TRIO: variants seen among roughly 807,000 people sequenced by gnomAD.
TRIO encodes trio Rho guanine nucleotide exchange factor, also known as triple functional domain protein.
TRIO carries 58 observed loss-of-function variants against 351.9 expected under a neutral mutation model. The observed-to-expected ratio is 0.16, with a 90% CI of 0.13 to 0.21. TRIO has a LOEUF of 0.21. Among genes scored for constraint, TRIO ranks in the 10% least tolerant of loss-of-function variants. The probability of loss-of-function intolerance (pLI) is 1.00; values close to 1 mark genes in which losing one functional copy is unlikely to be tolerated. For missense variants in TRIO, 3,201 were observed against 4,027.8 expected (o/e 0.79, Z 5.56); for synonymous variants, 1,758 against 1,595.7 (o/e 1.10, Z -2.42).
intron 7 of TRIO, 100 bp from the exon 8 acceptor site, chr5:14,304,361 T>A (rs1474229728): frequency 2.4e-6 from 3 of 1,234,612 alleles, no homozygotes; most frequent in African/African-American, 3.1e-5. Context: ...ATTCTTAGGA[T>A]CTCCCTCAAG....
At chr5:14,241,812 T>C (rs995042602) in intron 1 of TRIO, among the ~76,000 whole-genome samples, 1 of 152,222 alleles carries the variant, frequency 6.6e-6, no homozygotes, top group East Asian at 1.9e-4. Flanking sequence ...ACCAGTTAGA[T>C]TAGCAGTACA....
rs750820152 is a variant in TRIO at position 14,304,587 on chromosome 5, T to G, written c.1495T>G (p.Ser499Ala). 1.2e-6 allele frequency: 2 copies of G among 1,611,848 alleles called. No homozygotes were observed. Among genetic ancestry groups the G allele is most frequent in the East Asian group, 4.5e-5 (2 of 44,888 alleles). The change falls in exon 8 of 57, where the codon TCT becomes GCT. Residue 499 changes from serine (S) to alanine (A), a missense_variant. By Grantham distance (99) the Ser-to-Ala change is moderately conservative (BLOSUM62 1). This residue lies in a region of TRIO where 349 missense variants were observed against 449.3 expected (regional missense o/e 0.78). Transcript: ENST00000344204. Reference protein sequence around the residue: ...GIYEHITLAYSEVSQDGKSLL... With the variant: ...GIYEHITLAYAEVSQDGKSLL... Reference sequence around the variant, plus strand: ...ATATGAACATATCACTCTTGCTTATTCTGAGGTAAGTGGCCAGTTTTACTT... The same window carrying G: ...ATATGAACATATCACTCTTGCTTATGCTGAGGTAAGTGGCCAGTTTTACTT...
At chr5:14,490,679 TGAG>T (rs1425974387) in intron 48 of TRIO, 1 of 396,578 alleles carries the variant, frequency 2.5e-6, no homozygotes, top group East Asian at 7.3e-5. Context: ...GGGTTGGTGG[TGAG>T]AATTAAGCAG....
At chr5:14,381,046 G>T in intron 20 of TRIO, 84 bp from the exon 21 acceptor site, 2 of 1,477,554 alleles carry the variant, frequency 1.4e-6, no homozygotes, top group South Asian at 3.0e-5. Context: ...TTTGTGATTT[G>T]ACCTTTAAAT....
At chr5:14,407,928 A>G (rs1307285698) in intron 33 of TRIO, among the ~76,000 whole-genome samples, 3 of 152,212 alleles carry the variant, frequency 2.0e-5, no homozygotes, top group African/African-American at 7.2e-5. Flanking sequence ...CTTTTTAAAA[A>G]AATTGACAGT....
At chr5:14,331,361 A>G (rs753049009) in intron 10 of TRIO, among the ~76,000 whole-genome samples, 3 of 152,168 alleles carry the variant, frequency 2.0e-5, no homozygotes, top group Non-Finnish European at 4.4e-5. Context: ...GACTTTGGAC[A>G]AGTCGCTTAA....
At chr5:14,322,057 C>T (rs920245607) in intron 9 of TRIO, among the ~76,000 whole-genome samples, 1 of 152,066 alleles carries the variant, frequency 6.6e-6, no homozygotes, top group Non-Finnish European at 1.5e-5. Flanking sequence ...TACAACGCCC[C>T]TGCAAGTCAT....
At chr5:14,283,423 A>G (rs1249938917) in intron 3 of TRIO, among the ~76,000 whole-genome samples, 1 of 152,160 alleles carries the variant, frequency 6.6e-6, no homozygotes, top group Non-Finnish European at 1.5e-5. Flanking sequence ...ACATGACTTC[A>G]CTTTCATTGC....
chr5:14,481,103 A>G (rs559438863), intron 43 of TRIO, 131 bp from the exon 44 acceptor site: 7 of 905,732 alleles, frequency 7.7e-6, no homozygotes, highest in Non-Finnish European at 1.2e-5. Context: ...AAGCAAGAGG[A>G]TCACTTGAGG....
intron 48 of TRIO, among the ~76,000 whole-genome samples, chr5:14,491,713 C>G (rs1376314715): frequency 6.6e-6 from 1 of 152,194 alleles, no homozygotes; most frequent in Non-Finnish European, 1.5e-5. Context: ...ATGTTGAGTT[C>G]CTGCTGCATG....
In TRIO at chr5:14,313,361, A is replaced by G. The variant is rs539894827; in HGVS notation, c.1501-3152A>G. On this transcript the variant is annotated intron_variant, in intron 8 of 56. Coordinates refer to ENST00000344204, the MANE Select transcript of TRIO (RefSeq NM_007118.4). ...GTGTGTCCTTCGAAATCCAGTCATG[A>G]TCTCTGGCATGGAGATCTGTTAAAC... Among the ~76,000 whole-genome samples the G allele has an allele frequency of 3.9e-5, 6 of 152,282 alleles. No homozygotes were observed. The South Asian group carries it at 6.2e-4, about 16-fold the overall frequency.
At chr5:14,242,476 A>C (rs1794188687) in intron 1 of TRIO, among the ~76,000 whole-genome samples, 1 of 152,230 alleles carries the variant, frequency 6.6e-6, no homozygotes. Context: ...GGATCCTCAC[A>C]AGAAGAAAAT....
intron 1 of TRIO, among the ~76,000 whole-genome samples, chr5:14,254,130 G>A (rs182160073): frequency 1.3e-5 from 2 of 152,256 alleles, no homozygotes; most frequent in East Asian, 1.9e-4. Context: ...AGTAAAGTAA[G>A]TAATAAATAG....
chr5:14,339,691 G>A (rs968758504), intron 11 of TRIO, among the ~76,000 whole-genome samples: 3 of 152,156 alleles, frequency 2.0e-5, no homozygotes, highest in African/African-American at 4.8e-5. Context: ...ATTCAAGGAC[G>A]CTGCCCGCAG....
At chr5:14,202,160 C>T (rs1449292231) in intron 1 of TRIO, among the ~76,000 whole-genome samples, 2 of 151,600 alleles carry the variant, frequency 1.3e-5, no homozygotes, top group Non-Finnish European at 2.9e-5. Flanking sequence ...CTGTTATGAA[C>T]TTGTGAAAAC....
chr5:14,350,556 T>C (rs1170118298), intron 11 of TRIO, among the ~76,000 whole-genome samples: 1 of 152,170 alleles, frequency 6.6e-6, no homozygotes, highest in Non-Finnish European at 1.5e-5. Flanking sequence ...ACATCCCCTG[T>C]GCCTTATCTG....
At position 14,472,897 on chromosome 5, in the gene TRIO, T is replaced by C. The variant is rs368445723; in HGVS notation, c.5979+239T>C. On this transcript the variant is annotated intron_variant, in intron 39 of 56. Transcript: ENST00000344204. ...ATCTTGACATAATCTTTTTTAACAG[T>C]TGAAATTTACAATTATTATAAATAA... Among the ~76,000 whole-genome samples, 6 of 152,198 alleles carry C rather than the reference T, an allele frequency of 3.9e-5. No individual in the cohort carries two copies. In the East Asian group the frequency reaches 7.7e-4, roughly 19 times the overall value.
In TRIO at chr5:14,481,496, C is replaced by T. The variant is rs748803270; in HGVS notation, c.6388-45C>T. 3 of 1,607,400 alleles carry T rather than the reference C, an allele frequency of 1.9e-6. No homozygotes were observed. The South Asian group carries it at 3.3e-5, about 18-fold the overall frequency. ...CAGAGGGTGAGCACGTCAGATTTTCCCTAGAGGAACTTGAGCTTTCACTCT... is the reference window on the plus strand; with the variant it reads ...CAGAGGGTGAGCACGTCAGATTTTCTCTAGAGGAACTTGAGCTTTCACTCT... On this transcript the variant is annotated intron_variant, in intron 44 of 56. Coordinates refer to ENST00000344204, the MANE Select transcript of TRIO (RefSeq NM_007118.4).
At position 14,406,648 on chromosome 5, in the gene TRIO, T is replaced by A; in HGVS notation, c.4935T>A (p.Ser1645=). ...CGATTTCCATCGCCTCACGGACGTC[T>A]CAGAACACGCTGGACAGCGATAAGG... ...PDTISIASRT[S]QNTLDSDKLS... is the part of the protein sequence containing the mutation. The change falls in exon 33 of 57, where the codon TCT becomes TCA. Residue 1645 remains serine (S), a synonymous_variant. Coordinates refer to ENST00000344204, the MANE Select transcript of TRIO (RefSeq NM_007118.4). 6.2e-7 allele frequency: 1 copy of A among 1,613,962 alleles called. No homozygotes were observed. Among genetic ancestry groups the A allele is most frequent in the Non-Finnish European group, 8.5e-7 (1 of 1,179,914 alleles).
Sources: gnomAD v4.1 joint callset for allele counts (sites outside exome capture counted in the v4.1 genomes callset) on GRCh38, gnomAD v4.1.1 for gene constraint, gnomAD v4.1.1 regional missense constraint, MANE v1.5 for transcripts, NCBI Gene and HGNC (gene_info 2026-07-23, HGNC 2026-07-21) for gene names.